PLS1: variants seen among roughly 807,000 people sequenced by gnomAD.
PLS1 encodes the protein plastin-1.
A neutral mutation model predicts 73.7 loss-of-function variants in PLS1; 32 were observed. The observed-to-expected ratio is 0.43, with a 90% confidence interval of 0.33 to 0.58. PLS1 has a LOEUF of 0.58. Ranked by LOEUF, PLS1 falls within the 20% of genes least tolerant of loss-of-function variation. PLS1 has a pLI of 0.04. For missense variants in PLS1, 633 were observed against 740.5 expected (o/e 0.85, Z 1.68); for synonymous variants, 217 against 261.3 (o/e 0.83, Z 1.63).
chr3:142,682,735 G>A (rs2037881433), intron 6 of PLS1, among the ~76,000 whole-genome samples: 3 of 152,198 alleles, frequency 2.0e-5, no homozygotes, highest in Admixed American at 6.5e-5. Flanking sequence ...GCTGTCTCTT[G>A]AAAGTTGCAT....
intron 4 of PLS1, among the ~76,000 whole-genome samples, chr3:142,675,872 C>T (rs1352052854): frequency 6.6e-6 from 1 of 151,584 alleles, no homozygotes; most frequent in Admixed American, 6.6e-5. Flanking sequence ...ACGGGGGTTT[C>T]TCCATGTTGC....
At chr3:142,642,929 G>A (rs1236924112) in intron 1 of PLS1, among the ~76,000 whole-genome samples, 1 of 152,086 alleles carries the variant, frequency 6.6e-6, no homozygotes, top group Non-Finnish European at 1.5e-5. Flanking sequence ...GGGCTCAGGT[G>A]ATCTGCCTAC....
At chr3:142,631,034 C>G (rs945788594) in intron 1 of PLS1, among the ~76,000 whole-genome samples, 5 of 151,178 alleles carry the variant, frequency 3.3e-5, no homozygotes, top group Admixed American at 3.3e-4. Context: ...GGGGCAGAGA[C>G]AGTCTGTTCA....
At chr3:142,630,818 A>G (rs765239942) in intron 1 of PLS1, among the ~76,000 whole-genome samples, 10 of 152,068 alleles carry the variant, frequency 6.6e-5, no homozygotes, top group Admixed American at 6.6e-4. Context: ...AAAAATAGAG[A>G]GTGTACAGTT....
At chr3:142,596,861 T>G (rs1024456883) in intron 1 of PLS1, among the ~76,000 whole-genome samples, 3 of 152,196 alleles carry the variant, frequency 2.0e-5, no homozygotes, top group Non-Finnish European at 4.4e-5. Context: ...CTGTTTTGTT[T>G]TAATTCTGGG....
intron 14 of PLS1, among the ~76,000 whole-genome samples, chr3:142,708,618 GA>G (rs1281756651): frequency 6.6e-6 from 1 of 152,102 alleles, no homozygotes; most frequent in African/African-American, 2.4e-5. Context: ...CAAATAGAGG[GA>G]AAAATCATTA....
At chr3:142,697,360 C>G (rs2038232751) in intron 11 of PLS1, among the ~76,000 whole-genome samples, 1 of 152,062 alleles carries the variant, frequency 6.6e-6, no homozygotes, top group Non-Finnish European at 1.5e-5. Context: ...GGAACTTATT[C>G]TTACTGTACA....
intron 1 of PLS1, among the ~76,000 whole-genome samples, chr3:142,636,246 A>T (rs890170988): frequency 6.6e-6 from 1 of 152,184 alleles, no homozygotes; most frequent in Admixed American, 6.5e-5. Context: ...TTGCATAAAG[A>T]TAGACATGTG....
At chr3:142,668,066 TATTAAGA>T (rs1390157762) in intron 2 of PLS1, among the ~76,000 whole-genome samples, 2 of 152,200 alleles carry the variant, frequency 1.3e-5, no homozygotes, top group Non-Finnish European at 2.9e-5. Context: ...GCAGCTCTTT[TATTAAGA>T]AGAACAAGAA....
chr3:142,670,482 TA>T (rs369860871), intron 3 of PLS1, among the ~76,000 whole-genome samples: 3,260 of 151,616 alleles, frequency 0.022, 108 homozygotes, highest in African/African-American at 0.068. Flanking sequence ...GATTTGCATT[TA>T]AAAAAAAACC....
intron 1 of PLS1, 100 bp from the exon 2 acceptor site, chr3:142,664,102 G>T: frequency 2.1e-6 from 1 of 482,394 alleles, no homozygotes. Context: ...AGATCTCATA[G>T]ATAATTCCTC....
In PLS1 at chr3:142,659,421, G is replaced by C. The variant is rs191217118; in HGVS notation, c.-36-4781G>C. ...GCTCTTATTTAAAATGGTCACTATA[G>C]GTACTGTATATATAATTTTATCATT... On this transcript the variant is annotated intron_variant, in intron 1 of 15. Transcript: ENST00000457734. 5.4e-3 allele frequency among the ~76,000 whole-genome samples: 818 copies of C among 152,168 alleles called. 7 individuals are homozygous for C. The highest frequency in any genetic ancestry group is 8.8e-3 in the Non-Finnish European group (600 of 67,998).
chr3:142,678,217 A>G, intron 6 of PLS1, 104 bp downstream of exon 6: 2 of 471,586 alleles, frequency 4.2e-6, no homozygotes, highest in East Asian at 3.7e-5. Context: ...TTTAATTGTA[A>G]TGCTATTCTC....
chr3:142,643,071 A>G (rs1285018950), intron 1 of PLS1, among the ~76,000 whole-genome samples: 1 of 152,194 alleles, frequency 6.6e-6, no homozygotes, highest in Non-Finnish European at 1.5e-5. Flanking sequence ...TGGAAGTTGT[A>G]TTTGTTAAGG....
In PLS1 at chr3:142,689,566, A is replaced by C. The variant is rs184404999; in HGVS notation, c.982-52A>C. 1,096 of 1,113,486 alleles carry C rather than the reference A, an allele frequency of 9.8e-4. 8 individuals carry two copies. In the African/African-American group the frequency reaches 0.015, roughly 15 times the overall value. The allele number at this position is 1,113,486 out of a possible 1,614,324, so 69.0% of individuals were successfully genotyped here. On this transcript the variant is annotated intron_variant, in intron 9 of 15. Transcript: ENST00000457734. ...TGCTTATAAACATGTATACCAATAAAAATTATGCCAATTAAAACTTCAATT... is the reference window on the plus strand; with the variant it reads ...TGCTTATAAACATGTATACCAATAACAATTATGCCAATTAAAACTTCAATT...
intron 3 of PLS1, 134 bp downstream of exon 3, chr3:142,669,687 ATG>A: frequency 7.0e-6 from 4 of 568,460 alleles, no homozygotes; most frequent in South Asian, 3.0e-5. Context: ...GATGATGATG[ATG>A]ACAATAACTA....
chr3:142,600,898 ATATATATATATATATATATTTTT>A (rs1437898529), intron 1 of PLS1, among the ~76,000 whole-genome samples: 1 of 27,880 alleles, frequency 3.6e-5, no homozygotes, highest in Admixed American at 4.6e-4. Context: ...ATATATATAT[ATATATATATATATATATATTTTT>A]TTTTTTTTTT....
rs142997016 is a variant in PLS1 at position 142,617,026 on chromosome 3, C to G, written c.-37+20517C>G. On this transcript the variant is annotated intron_variant, in intron 1 of 15. Transcript: ENST00000457734. ...TCTTCAAATCACAATGGACCATTGC[C>G]CAGTTAGCCACTAAAATAGCCAGTG... Among the ~76,000 whole-genome samples the G allele has an allele frequency of 9.6e-3, 1,459 of 152,218 alleles. 26 individuals carry two copies. Among genetic ancestry groups the G allele is most frequent in the African/African-American group, 0.033 (1,380 of 41,548 alleles).
chr3:142,679,435 T>G (rs1436786815), intron 6 of PLS1, among the ~76,000 whole-genome samples: 1 of 151,790 alleles, frequency 6.6e-6, no homozygotes, highest in African/African-American at 2.4e-5. Context: ...TAATCCATCT[T>G]GAATTAATTT....
Sources: gnomAD v4.1 joint callset for allele counts (sites outside exome capture counted in the v4.1 genomes callset) on GRCh38, gnomAD v4.1.1 for gene constraint, MANE v1.5 for transcripts, NCBI Gene and HGNC (gene_info 2026-07-23, HGNC 2026-07-21) for gene names.